The following TENM2 variants were observed in gnomAD, a reference collection of about 807,000 sequenced individuals.
TENM2 encodes teneurin-2.
TENM2 carries 52 observed loss-of-function variants against 245.2 expected under a neutral mutation model. The ratio of observed to expected loss-of-function variants is 0.21; its 90% CI spans 0.17 to 0.27. TENM2 has a LOEUF of 0.27. Among genes scored for constraint, TENM2 ranks in the 10% least tolerant of loss-of-function variants. The probability of loss-of-function intolerance (pLI) is 1.00; values close to 1 mark genes in which losing one functional copy is unlikely to be tolerated. For synonymous variants in TENM2, 1,363 were observed against 1,438.9 expected, an observed-to-expected ratio of 0.95 and a Z score of 1.19; for missense variants, 3,046 against 3,666.8, an observed-to-expected ratio of 0.83 and a Z score of 4.37.
At chr5:167,016,079 T>C in the TENM2 span, among the ~76,000 whole-genome samples, 27 of 151,594 alleles carry the variant, frequency 1.8e-4, no homozygotes, top group African/African-American at 4.4e-4. Context: ...ACGATGAAAC[T>C]CCGTCTCTAC....
chr5:167,901,166 T>A (rs1245395719), intron 3 of TENM2, among the ~76,000 whole-genome samples: 1 of 152,076 alleles, frequency 6.6e-6, no homozygotes, highest in Non-Finnish European at 1.5e-5. Flanking sequence ...TTTTGATATA[T>A]AACTTCCTTT....
intron 2 of TENM2, 55 bp from the exon 5 acceptor site, chr5:167,875,931 G>A (rs1773384179): frequency 8.2e-7 from 1 of 1,221,404 alleles, no homozygotes; most frequent in Middle Eastern, 2.6e-4. Context: ...AACTTTCTTG[G>A]GGTGCTCTCG....
intron 2 of TENM2, among the ~76,000 whole-genome samples, chr5:167,614,534 G>C (rs866296758): frequency 6.6e-6 from 1 of 152,030 alleles, no homozygotes; most frequent in Non-Finnish European, 1.5e-5. Flanking sequence ...AAAGTAGTGT[G>C]GTCTGTTAAC....
chr5:167,277,060 C>A, the TENM2 span, among the ~76,000 whole-genome samples: 2 of 152,046 alleles, frequency 1.3e-5, no homozygotes, highest in Admixed American at 6.6e-5. Context: ...TTCAAGGAAA[C>A]AACTTTTTAA....
At chr5:168,157,985 C>T (rs928563802) in intron 12 of TENM2, among the ~76,000 whole-genome samples, 9 of 152,252 alleles carry the variant, frequency 5.9e-5, no homozygotes, top group Non-Finnish European at 8.8e-5. Flanking sequence ...TGCAGTAGCA[C>T]GATCTTGACT....
the TENM2 span, among the ~76,000 whole-genome samples, chr5:167,054,568 A>G: frequency 1.3e-5 from 2 of 152,136 alleles, no homozygotes; most frequent in Non-Finnish European, 2.9e-5. Context: ...GTGTTGAATC[A>G]TATGGTAAAA....
intron 1 of TENM2, among the ~76,000 whole-genome samples, chr5:167,311,222 C>G (rs1299061820): frequency 1.3e-5 from 2 of 152,140 alleles, no homozygotes; most frequent in African/African-American, 2.4e-5. Context: ...TTTTAAATTA[C>G]TTTGCGCTGT....
At chr5:168,236,075 C>T (rs1765403265) in intron 25 of TENM2, among the ~76,000 whole-genome samples, 1 of 152,150 alleles carries the variant, frequency 6.6e-6, no homozygotes, top group Non-Finnish European at 1.5e-5. Flanking sequence ...TGGAGTAAAC[C>T]AGCTGAGGGT....
At chr5:167,976,960 C>T (rs1233418584) in intron 4 of TENM2, among the ~76,000 whole-genome samples, 3 of 152,122 alleles carry the variant, frequency 2.0e-5, no homozygotes, top group South Asian at 4.1e-4. Flanking sequence ...AGATGTGGTA[C>T]ATATACACCA....
chr5:168,224,144 C>G (rs1465092691), intron 23 of TENM2, among the ~76,000 whole-genome samples: 1 of 152,190 alleles, frequency 6.6e-6, no homozygotes, highest in Admixed American at 6.5e-5. Context: ...ACCTTTGTCC[C>G]CCTGCCTGAG....
chr5:167,544,374 G>GA (rs1384117285), intron 2 of TENM2, among the ~76,000 whole-genome samples: 1 of 152,130 alleles, frequency 6.6e-6, no homozygotes, highest in Non-Finnish European at 1.5e-5. Context: ...TACATAGCAT[G>GA]AAAATCACGC....
intron 2 of TENM2, among the ~76,000 whole-genome samples, chr5:167,790,637 G>A (rs1764888669): frequency 1.3e-5 from 2 of 152,058 alleles, no homozygotes; most frequent in Non-Finnish European, 2.9e-5. Context: ...AGGTGCCTCC[G>A]CCATCTTGCA....
intron 27 of TENM2, 145 bp downstream of exon 29, chr5:168,248,516 G>C: frequency 1.2e-6 from 1 of 815,604 alleles, no homozygotes; most frequent in South Asian, 1.8e-5. Context: ...CAGCACTACA[G>C]AGTCTAGAAA....
chr5:167,722,657 C>T (rs1160443526), intron 2 of TENM2, among the ~76,000 whole-genome samples: 3 of 151,914 alleles, frequency 2.0e-5, no homozygotes. Context: ...GCCTGTAGTC[C>T]CAGCTACTAG....
At chr5:167,995,734 GATTA>G (rs1385646547) in intron 5 of TENM2, among the ~76,000 whole-genome samples, 1 of 152,158 alleles carries the variant, frequency 6.6e-6, no homozygotes, top group Admixed American at 6.5e-5. Flanking sequence ...GTATGGTGAG[GATTA>G]ATTAATGTGT....
intron 4 of TENM2, among the ~76,000 whole-genome samples, chr5:167,961,696 T>C (rs1050834348): frequency 6.6e-6 from 1 of 152,158 alleles, no homozygotes; most frequent in Non-Finnish European, 1.5e-5. Context: ...GGAAGGGACT[T>C]TTATTATGGC....
At chr5:167,939,459 T>C (rs1348328126) in intron 3 of TENM2, among the ~76,000 whole-genome samples, 1 of 152,188 alleles carries the variant, frequency 6.6e-6, no homozygotes, top group Non-Finnish European at 1.5e-5. Context: ...ACCCCTGCTT[T>C]ACAACAAAAA....
At chr5:167,079,889 G>T in the TENM2 span, among the ~76,000 whole-genome samples, 13 of 152,256 alleles carry the variant, frequency 8.5e-5, no homozygotes, top group African/African-American at 3.1e-4. Context: ...CACATGAAAA[G>T]ATGTTGTAAT....
the TENM2 span, among the ~76,000 whole-genome samples, chr5:167,217,893 G>A: frequency 2.6e-4 from 1 of 3,826 alleles, no homozygotes; most frequent in African/African-American, 3.5e-3. Flanking sequence ...ATTTCTATTG[G>A]ATGTCCCCTC....
Sources: gnomAD v4.1 joint callset for allele counts (sites outside exome capture counted in the v4.1 genomes callset) on GRCh38, gnomAD v4.1.1 for gene constraint, MANE v1.5 for transcripts, NCBI Gene and HGNC (gene_info 2026-07-23, HGNC 2026-07-21) for gene names.